Variants in RNF128 observed in about 807,000 individuals in gnomAD.
RNF128 encodes the protein ring finger protein 128, also known as E3 ubiquitin-protein ligase RNF128.
In RNF128, 13 loss-of-function variants were observed where a neutral mutation model predicts 26.2. That is an observed-to-expected ratio of 0.50 (90% CI 0.32 to 0.79). The LOEUF (loss-of-function observed/expected upper bound fraction) is 0.79, where lower values mean the gene tolerates loss of function less well. Among genes scored for constraint, RNF128 ranks in the 30% least tolerant of loss-of-function variants. The probability of loss-of-function intolerance (pLI) is 0.03; values close to 1 mark genes in which losing one functional copy is unlikely to be tolerated. For missense variants in RNF128, 315 were observed against 349.7 expected, an observed-to-expected ratio of 0.90 and a Z score of 0.79; for synonymous variants, 149 against 142.5, an observed-to-expected ratio of 1.05 and a Z score of -0.32.
chrX:106,768,458 C>T (rs1404829607), intron 1 of RNF128, among the ~76,000 whole-genome samples: 3 of 111,495 alleles, frequency 2.7e-5, no homozygotes, highest in East Asian at 5.6e-4. Flanking sequence ...GTGTATGTGT[C>T]GAGGAATTTA....
chrX:106,795,498 AC>A, intron 6 of RNF128, 81 bp from the exon 7 acceptor site: 1 of 915,700 alleles, frequency 1.1e-6, no homozygotes, highest in Non-Finnish European at 1.5e-6. Context: ...AATAAGAAAG[AC>A]TTCTTGGAAG....
intron 2 of RNF128, among the ~76,000 whole-genome samples, chrX:106,779,955 A>G (rs578222209): frequency 8.9e-6 from 1 of 112,128 alleles, no homozygotes; most frequent in African/African-American, 3.2e-5. Context: ...TCCTCTTACT[A>G]TAATTCTTGA....
At chrX:106,768,369 A>G (rs1358108946) in intron 1 of RNF128, among the ~76,000 whole-genome samples, 3 of 111,109 alleles carry the variant, frequency 2.7e-5, no homozygotes, top group East Asian at 5.6e-4. Context: ...TTGGTAGGCT[A>G]TTATTTATTG....
intron 1 of RNF128, among the ~76,000 whole-genome samples, chrX:106,706,193 G>T (rs1242094566): frequency 9.0e-6 from 1 of 111,435 alleles, no homozygotes; most frequent in African/African-American, 3.3e-5. Context: ...TTGGCCAAGG[G>T]TAGCTTTGCA....
Position 106,795,763 on chromosome X carries a change from A to T in RNF128, c.*50A>T, listed in dbSNP as rs752025412. On this transcript the variant is annotated 3_prime_UTR_variant, in exon 7 of 7. Coordinates refer to ENST00000255499, the MANE Select transcript of RNF128 (RefSeq NM_194463.2). Reference sequence around the variant, plus strand: ...ACCATTAGTAATAACAGAACTGCCAATCAGGGCCTAGTTTCTATTAATAAA... The same window carrying T: ...ACCATTAGTAATAACAGAACTGCCATTCAGGGCCTAGTTTCTATTAATAAA... 2.0e-6 allele frequency: 2 copies of T among 1,017,441 alleles called. No individual in the cohort carries two copies. Among genetic ancestry groups the T allele is most frequent in the Non-Finnish European group, 2.7e-6 (2 of 751,838 alleles). 83.8% of individuals were successfully genotyped at this position (1,017,441 alleles called of 1,213,427 possible).
chrX:106,711,603 A>G (rs1033339619), intron 1 of RNF128, among the ~76,000 whole-genome samples: 13 of 112,400 alleles, frequency 1.2e-4, no homozygotes, highest in Admixed American at 6.6e-4. Context: ...TATAAAAGAA[A>G]GGCCCAACAG....
chrX:106,777,187 T>C (rs978783463), intron 2 of RNF128, among the ~76,000 whole-genome samples: 3 of 111,777 alleles, frequency 2.7e-5, no homozygotes, highest in African/African-American at 9.8e-5. Context: ...TTTGAGACAT[T>C]GAACTAAAAA....
At chrX:106,720,333 A>G (rs1341167700) in intron 1 of RNF128, among the ~76,000 whole-genome samples, 2 of 111,658 alleles carry the variant, frequency 1.8e-5, no homozygotes, top group African/African-American at 6.5e-5. Flanking sequence ...AGTTTTCTGC[A>G]ATGACCTCCA....
intron 1 of RNF128, among the ~76,000 whole-genome samples, chrX:106,702,197 T>C (rs1283667006): frequency 2.7e-5 from 3 of 111,266 alleles, no homozygotes; most frequent in Non-Finnish European, 5.7e-5. Context: ...AGTTTCCGGA[T>C]AAAAACAAAA....
intron 1 of RNF128, among the ~76,000 whole-genome samples, chrX:106,706,071 C>G (rs191315199): frequency 2.7e-5 from 3 of 111,744 alleles, no homozygotes; most frequent in Admixed American, 9.5e-5. Flanking sequence ...GGCCTCTAAC[C>G]TGATGCATTA....
intron 1 of RNF128, among the ~76,000 whole-genome samples, chrX:106,770,519 C>T (rs1214297201): frequency 9.0e-6 from 1 of 111,034 alleles, no homozygotes; most frequent in African/African-American, 3.3e-5. Context: ...CACTGATACC[C>T]TTTCTTCCAC....
rs1234357862 is a variant in RNF128, at chrX:106,795,580, A to T, written c.1154A>T (p.Asn385Ile). 3.0e-5 allele frequency: 35 copies of T among 1,181,930 alleles called. No homozygotes were observed. The highest frequency in any genetic ancestry group is 3.7e-5 in the Non-Finnish European group (33 of 883,588). Residue 385 changes from asparagine (N) to isoleucine (I), a missense_variant and splice_region_variant, in exon 7 of 7, where the codon AAT becomes ATT. Physicochemically the swap from Asn to Ile is moderately radical, Grantham distance 149 (BLOSUM62 -3). Coordinates refer to ENST00000255499, the MANE Select transcript of RNF128 (RefSeq NM_194463.2). ...PPLEEHVQST[N>I]ESLQLVNHEA... Reference sequence around the variant, plus strand: ...CTAAAATTGCTATTTCTTTTTAAAGATGAAAGTCTACAGCTGGTAAACCAT... The same window carrying T: ...CTAAAATTGCTATTTCTTTTTAAAGTTGAAAGTCTACAGCTGGTAAACCAT...
At chrX:106,790,374 A>G in intron 5 of RNF128, 92 bp downstream of exon 5, 5 of 553,518 alleles carry the variant, frequency 9.0e-6, no homozygotes, top group Middle Eastern at 3.7e-4. Flanking sequence ...GCTATGTAAT[A>G]CACCATACTT....
rs373149662 is a variant in RNF128, at chrX:106,727,405, C to G, written c.484+8C>G. The G allele has an allele frequency of 6.5e-5, 79 of 1,207,390 alleles. No individual in the cohort carries two copies. Among genetic ancestry groups the G allele is most frequent in the Admixed American group, 8.8e-5 (4 of 45,598 alleles). ...TCCCCATGTCTCACCCGGGTGAGTG[C>G]AGCTACTAGATTGCACCCCTCCAGA... On this transcript the variant is annotated splice_region_variant and intron_variant, in intron 1 of 6. Coordinates refer to ENST00000255499, the MANE Select transcript of RNF128 (RefSeq NM_194463.2).
chrX:106,779,290 A>G (rs1046965203), intron 2 of RNF128, among the ~76,000 whole-genome samples: 2 of 110,796 alleles, frequency 1.8e-5, no homozygotes, highest in African/African-American at 6.6e-5. Context: ...ATGATTTGAT[A>G]TACATATAAA....
chrX:106,744,927 G>T (rs1349267598), intron 1 of RNF128, among the ~76,000 whole-genome samples: 3 of 111,431 alleles, frequency 2.7e-5, no homozygotes, highest in Non-Finnish European at 5.6e-5. Flanking sequence ...CTAGCCCTTA[G>T]GTTCTATGTG....
At position 106,727,207 on chromosome X, in the gene RNF128, G is replaced by A. The variant is rs1255192770; in HGVS notation, c.294G>A (p.Pro98=). The A allele has an allele frequency of 1.7e-6, 2 of 1,210,171 alleles. No homozygotes were observed. The highest frequency in any genetic ancestry group is 1.7e-5 in the African/African-American group (1 of 57,468). ...DGPGALNACN[P]HTNFTVPTVW... Reference sequence around the variant, plus strand: ...CCGGGGCGCTTAACGCCTGTAACCCGCACACGAATTTCACGGTGCCCACGG... The same window carrying A: ...CCGGGGCGCTTAACGCCTGTAACCCACACACGAATTTCACGGTGCCCACGG... Residue 98 remains proline (P), a synonymous_variant, in exon 1 of 7, where the codon CCG becomes CCA. Coordinates refer to ENST00000255499, the MANE Select transcript of RNF128 (RefSeq NM_194463.2).
chrX:106,741,527 C>A (rs1260922291), intron 1 of RNF128, among the ~76,000 whole-genome samples: 1 of 111,843 alleles, frequency 8.9e-6, no homozygotes, highest in African/African-American at 3.2e-5. Flanking sequence ...TTCCACTAAA[C>A]CCAAGGTCTA....
In RNF128 at chrX:106,764,369, T is replaced by C. The variant is rs1013025267; in HGVS notation, c.485-8544T>C. Among the ~76,000 whole-genome samples, 12 of 111,157 alleles carry C rather than the reference T, an allele frequency of 1.1e-4. No homozygotes were observed. In the East Asian group the frequency reaches 3.4e-3, roughly 32 times the overall value. On this transcript the variant is annotated intron_variant, in intron 1 of 6. Transcript: ENST00000255499. The stretch of plus-strand genomic sequence containing the variant: ...GTTCTAAAAGAACAAAACATTTCTA[T>C]TAGTTAAAAACTTATGGCCAGGTGC...
Sources: gnomAD v4.1 joint callset for allele counts (sites outside exome capture counted in the v4.1 genomes callset) on GRCh38, gnomAD v4.1.1 for gene constraint, MANE v1.5 for transcripts, NCBI Gene and HGNC (gene_info 2026-07-23, HGNC 2026-07-21) for gene names.